The following ERC2 variants were observed in gnomAD, a reference collection of about 807,000 sequenced individuals.
The protein encoded by ERC2 is ELKS/RAB6-interacting/CAST family member 2.
In ERC2, 42 loss-of-function variants were observed where a neutral mutation model predicts 114.8. That is an observed-to-expected ratio of 0.37 (90% CI 0.29 to 0.47). The LOEUF is 0.47. Ranked by LOEUF, ERC2 falls within the 20% of genes least tolerant of loss-of-function variation. The probability of loss-of-function intolerance (pLI) is 0.99; values close to 1 mark genes in which losing one functional copy is unlikely to be tolerated. For missense variants in ERC2, 939 were observed against 1,150.7 expected (o/e 0.82, Z 2.66); for synonymous variants, 454 against 425.5 (o/e 1.07, Z -0.82).
At chr3:55,614,247 A>G (rs370336835) in intron 17 of ERC2, among the ~76,000 whole-genome samples, 42 of 152,314 alleles carry the variant, frequency 2.8e-4, no homozygotes, top group African/African-American at 9.4e-4. Context: ...ACTAGACTAC[A>G]TGGTCCTCAA....
intron 1 of ERC2, 112 bp from the exon 2 acceptor site, chr3:56,435,259 T>C (rs1473083040): frequency 1.3e-5 from 5 of 379,968 alleles, no homozygotes; most frequent in Non-Finnish European, 2.4e-5. Context: ...GATAGGTGAT[T>C]AATAATAGAC....
chr3:55,539,586 C>T (rs917863815), intron 17 of ERC2, among the ~76,000 whole-genome samples: 9 of 151,566 alleles, frequency 5.9e-5, no homozygotes, highest in Non-Finnish European at 1.3e-4. Context: ...CCATACCAGG[C>T]TGATTTGTTT....
At chr3:55,966,237 A>G (rs542944711) in intron 12 of ERC2, among the ~76,000 whole-genome samples, 9 of 152,240 alleles carry the variant, frequency 5.9e-5, no homozygotes, top group South Asian at 2.1e-4. Context: ...TATTTCCTCA[A>G]TGGACATAAT....
intron 14 of ERC2, among the ~76,000 whole-genome samples, chr3:55,735,365 G>T (rs1204364294): frequency 6.6e-6 from 1 of 152,192 alleles, no homozygotes; most frequent in Non-Finnish European, 1.5e-5. Flanking sequence ...AAGTTTAAGG[G>T]CATGGTGGTA....
At chr3:56,136,240 G>A (rs73078482) in intron 6 of ERC2, among the ~76,000 whole-genome samples, 4,961 of 152,090 alleles carry the variant, frequency 0.033, 171 homozygotes, top group African/African-American at 0.085. Context: ...AAGCCATGAC[G>A]TCTGTCATTT....
chr3:56,266,273 G>A (rs1368475988), intron 3 of ERC2, among the ~76,000 whole-genome samples: 2 of 150,558 alleles, frequency 1.3e-5, no homozygotes, highest in Non-Finnish European at 3.0e-5. Flanking sequence ...TGGGACTACA[G>A]GCGCCCACCA....
intron 6 of ERC2, among the ~76,000 whole-genome samples, chr3:56,115,978 C>T (rs144756498): frequency 6.6e-5 from 10 of 152,258 alleles, no homozygotes; most frequent in Non-Finnish European, 1.0e-4. Flanking sequence ...ATTATTCAAA[C>T]GAGCTAATTC....
chr3:56,196,456 C>T (rs146379583), intron 3 of ERC2, among the ~76,000 whole-genome samples: 222 of 151,376 alleles, frequency 1.5e-3, no homozygotes, highest in African/African-American at 5.2e-3. Context: ...CCTCTAAACT[C>T]GCTGCTGAGT....
chr3:56,151,758 T>G (rs1211011930), intron 4 of ERC2, among the ~76,000 whole-genome samples: 1 of 152,152 alleles, frequency 6.6e-6, no homozygotes, highest in African/African-American at 2.4e-5. Flanking sequence ...AGTCCTGATG[T>G]GGCTGAATGT....
chr3:55,870,844 G>A (rs544056340), intron 14 of ERC2, among the ~76,000 whole-genome samples: 95 of 152,322 alleles, frequency 6.2e-4, no homozygotes, highest in African/African-American at 1.7e-3. Flanking sequence ...TGTGATGGAC[G>A]CAAAGTCTGT....
chr3:55,750,460 T>C (rs926064030), intron 14 of ERC2, among the ~76,000 whole-genome samples: 9 of 152,302 alleles, frequency 5.9e-5, no homozygotes, highest in African/African-American at 2.2e-4. Flanking sequence ...AAGTCTGTGA[T>C]GTTAAAGACT....
At chr3:56,362,702 T>C (rs886554677) in intron 2 of ERC2, among the ~76,000 whole-genome samples, 1 of 152,178 alleles carries the variant, frequency 6.6e-6, no homozygotes, top group African/African-American at 2.4e-5. Flanking sequence ...TACAAGCCTA[T>C]TCAGAAGGGA....
intron 14 of ERC2, among the ~76,000 whole-genome samples, chr3:55,829,599 C>G (rs891888302): frequency 6.6e-6 from 1 of 152,186 alleles, no homozygotes; most frequent in Non-Finnish European, 1.5e-5. Context: ...ACTGAAGTTT[C>G]AACCTCCTGG....
chr3:56,187,059 G>A (rs1034141585), intron 3 of ERC2, among the ~76,000 whole-genome samples: 3 of 152,178 alleles, frequency 2.0e-5, no homozygotes, highest in Non-Finnish European at 2.9e-5. Context: ...CAAGGGTGTT[G>A]TATAGGAAAT....
At chr3:55,929,703 G>A (rs572270024) in intron 13 of ERC2, among the ~76,000 whole-genome samples, 1 of 152,334 alleles carries the variant, frequency 6.6e-6, no homozygotes, top group Admixed American at 6.5e-5. Flanking sequence ...GAGGGGACTG[G>A]ATCATGGGAA....
At chr3:55,941,778 A>G (rs1244652607) in intron 13 of ERC2, among the ~76,000 whole-genome samples, 1 of 152,222 alleles carries the variant, frequency 6.6e-6, no homozygotes, top group Non-Finnish European at 1.5e-5. Flanking sequence ...AAAGATATAA[A>G]TAACTTAAAC....
At chr3:55,972,829 A>G (rs1037296464) in intron 12 of ERC2, among the ~76,000 whole-genome samples, 15 of 152,170 alleles carry the variant, frequency 9.9e-5, no homozygotes, top group Admixed American at 2.0e-4. Flanking sequence ...TCAAGGATGT[A>G]TAGAGGTTTG....
chr3:55,517,957 T>A (rs1370413882), intron 17 of ERC2, among the ~76,000 whole-genome samples: 1 of 152,234 alleles, frequency 6.6e-6, no homozygotes. Flanking sequence ...CCAAAGGTCT[T>A]TGTCACTCTA....
intron 2 of ERC2, among the ~76,000 whole-genome samples, chr3:56,386,356 T>C (rs1351816194): frequency 6.6e-6 from 1 of 152,190 alleles, no homozygotes; most frequent in Non-Finnish European, 1.5e-5. Flanking sequence ...CTTTCGTTCC[T>C]ATGATGGTTA....
Sources: allele counts gnomAD v4.1 joint callset (sites outside exome capture counted in the v4.1 genomes callset), GRCh38; gene constraint gnomAD v4.1.1; transcripts MANE v1.5; gene names NCBI Gene and HGNC (gene_info 2026-07-23, HGNC 2026-07-21).